The following RGS7 variants were observed in gnomAD, a reference collection of about 807,000 sequenced individuals.
RGS7 encodes regulator of G protein signaling 7.
A neutral mutation model predicts 81.1 loss-of-function variants in RGS7; 27 were observed. That is an observed-to-expected ratio of 0.33 (90% CI 0.25 to 0.46). RGS7 has a LOEUF of 0.46. Among genes scored for constraint, RGS7 ranks in the 20% least tolerant of loss-of-function variants. RGS7 has a pLI of 1.00. For synonymous variants in RGS7, 208 were observed against 207.7 expected, an observed-to-expected ratio of 1.00 and a Z score of -0.01; for missense variants, 396 against 607.4, an observed-to-expected ratio of 0.65 and a Z score of 3.66.
chr1:240,863,991 C>G (rs555872728), intron 9 of RGS7, among the ~76,000 whole-genome samples: 36 of 152,230 alleles, frequency 2.4e-4, no homozygotes, highest in African/African-American at 7.7e-4. Context: ...CACACCACCC[C>G]CTAGTTCCAG....
chr1:240,876,111 C>A (rs945068826), intron 6 of RGS7, among the ~76,000 whole-genome samples: 10 of 152,180 alleles, frequency 6.6e-5, no homozygotes, highest in Non-Finnish European at 4.4e-5. Flanking sequence ...TAGAAGGCTG[C>A]AGAACAGAGC....
intron 3 of RGS7, among the ~76,000 whole-genome samples, chr1:241,064,312 G>A (rs1238572446): frequency 2.6e-5 from 4 of 151,652 alleles, no homozygotes; most frequent in African/African-American, 9.7e-5. Flanking sequence ...TCTGCTGGGT[G>A]TGGCAGCTCC....
intron 6 of RGS7, among the ~76,000 whole-genome samples, chr1:240,925,574 G>T (rs189732659): frequency 2.6e-5 from 4 of 152,034 alleles, no homozygotes; most frequent in Non-Finnish European, 5.9e-5. Flanking sequence ...TGTGAATATC[G>T]CTGTGATGAA....
At chr1:241,308,306 T>A (rs898445592) in intron 2 of RGS7, among the ~76,000 whole-genome samples, 1 of 152,222 alleles carries the variant, frequency 6.6e-6, no homozygotes, top group Non-Finnish European at 1.5e-5. Flanking sequence ...TACGTTTTGG[T>A]ATTTAGCCTA....
chr1:241,289,804 C>T (rs548986340), intron 2 of RGS7, among the ~76,000 whole-genome samples: 3 of 151,954 alleles, frequency 2.0e-5, no homozygotes, highest in South Asian at 2.1e-4. Flanking sequence ...GGAAGTGGTA[C>T]GAGGGAAGAT....
chr1:241,127,355 C>T lies in RGS7; in HGVS notation c.79-28593G>A, dbSNP rs973255979. ...TTAAGGATTGAAGTCATACAGAAAG[C>T]ACAATTCTATGAAGCTAAGAATAAA... is the stretch of plus-strand genomic sequence containing the variant. On this transcript the variant is annotated intron_variant, in intron 2 of 18. Coordinates refer to ENST00000440928, the MANE Select transcript of RGS7 (RefSeq NM_001364886.1). Among the ~76,000 whole-genome samples the T allele has an allele frequency of 4.6e-5, 7 of 152,254 alleles. No individual in the cohort carries two copies. In the East Asian group the frequency reaches 7.7e-4, roughly 17 times the overall value.
chr1:241,157,067 C>T (rs10465632), intron 2 of RGS7, among the ~76,000 whole-genome samples: 82,848 of 151,690 alleles, frequency 0.55, 25,955 homozygotes, highest in African/African-American at 0.87. Context: ...AGAGTAAGTA[C>T]GTTATTTGGT....
At chr1:241,296,958 T>C (rs186298066) in intron 2 of RGS7, among the ~76,000 whole-genome samples, 26 of 152,240 alleles carry the variant, frequency 1.7e-4, no homozygotes, top group Admixed American at 7.8e-4. Context: ...GTCACAATTT[T>C]CGCAGCTCCT....
intron 2 of RGS7, among the ~76,000 whole-genome samples, chr1:241,158,348 T>A (rs2069351364): frequency 6.6e-6 from 1 of 152,122 alleles, no homozygotes; most frequent in South Asian, 2.1e-4. Context: ...ATCCAATGGG[T>A]GGATATTCAC....
chr1:240,957,794 A>G (rs557271038), intron 4 of RGS7, among the ~76,000 whole-genome samples: 3 of 152,304 alleles, frequency 2.0e-5, no homozygotes, highest in Admixed American at 2.0e-4. Context: ...TTTTTGTACT[A>G]TTTTGTGATT....
At position 241,142,350 on chromosome 1, in the gene RGS7, G is replaced by A. The variant is rs183250449; in HGVS notation, c.79-43588C>T. Among the ~76,000 whole-genome samples the A allele has an allele frequency of 2.9e-3, 434 of 152,266 alleles. 2 individuals carry two copies. Among genetic ancestry groups the A allele is most frequent in the African/African-American group, 9.4e-3 (392 of 41,542 alleles). On this transcript the variant is annotated intron_variant, in intron 2 of 18. Coordinates refer to ENST00000440928, the MANE Select transcript of RGS7 (RefSeq NM_001364886.1). ...CTCTGAACCTACGTTTCCCTTTTGCGCTACCCTAGCAGGGCTTCTCCATGA... is the reference window on the plus strand; with the variant it reads ...CTCTGAACCTACGTTTCCCTTTTGCACTACCCTAGCAGGGCTTCTCCATGA...
At chr1:241,107,990 T>C (rs1260327435) in intron 2 of RGS7, among the ~76,000 whole-genome samples, 3 of 151,952 alleles carry the variant, frequency 2.0e-5, no homozygotes, top group Admixed American at 1.3e-4. Context: ...GGGTGGTTGC[T>C]GAATAATGAG....
chr1:240,883,904 C>T (rs1038218341), intron 6 of RGS7, among the ~76,000 whole-genome samples: 17 of 151,706 alleles, frequency 1.1e-4, no homozygotes, highest in African/African-American at 2.7e-4. Context: ...GGTGAAACCC[C>T]GTCTCTACTA....
intron 2 of RGS7, among the ~76,000 whole-genome samples, chr1:241,305,041 A>T (rs938430825): frequency 1.3e-5 from 2 of 152,154 alleles, no homozygotes; most frequent in African/African-American, 2.4e-5. Flanking sequence ...AGGTTTTAAA[A>T]TTTTCAGACC....
intron 2 of RGS7, among the ~76,000 whole-genome samples, chr1:241,099,179 T>C (rs1254546702): frequency 2.0e-5 from 3 of 152,234 alleles, no homozygotes; most frequent in East Asian, 1.9e-4. Context: ...GAATTGCTTC[T>C]TCAAGCAAGA....
chr1:240,801,603 A>G, intron 16 of RGS7, 95 bp from the exon 17 acceptor site: 1 of 886,152 alleles, frequency 1.1e-6, no homozygotes, highest in South Asian at 1.4e-5. Flanking sequence ...AAGACAGGAT[A>G]ATGAAATGAT....
At chr1:241,077,469 C>T (rs968321204) in intron 3 of RGS7, among the ~76,000 whole-genome samples, 6 of 152,116 alleles carry the variant, frequency 3.9e-5, no homozygotes, top group African/African-American at 1.2e-4. Context: ...CAAGATCTGG[C>T]CTGGGTTCTG....
intron 18 of RGS7, among the ~76,000 whole-genome samples, chr1:240,796,460 C>CAGAT (rs1315053503): frequency 2.0e-5 from 3 of 152,078 alleles, no homozygotes; most frequent in Non-Finnish European, 4.4e-5. Flanking sequence ...CTGAGGTGGG[C>CAGAT]AGATCACTTG....
chr1:240,939,761 T>A (rs184896313), intron 4 of RGS7, among the ~76,000 whole-genome samples: 1 of 151,592 alleles, frequency 6.6e-6, no homozygotes, highest in Non-Finnish European at 1.5e-5. Context: ...AGACTGGGAG[T>A]TGGGGGCTGC....
Sources: gnomAD v4.1 joint callset for allele counts (sites outside exome capture counted in the v4.1 genomes callset) on GRCh38, gnomAD v4.1.1 for gene constraint, MANE v1.5 for transcripts, NCBI Gene and HGNC (gene_info 2026-07-23, HGNC 2026-07-21) for gene names.